SEMA3E: variants seen among roughly 807,000 people sequenced by gnomAD.
The protein encoded by SEMA3E is semaphorin-3E.
Under a neutral mutation model 93.6 loss-of-function variants are expected in SEMA3E, and 49 were observed. The observed-to-expected ratio is 0.52, with a 90% CI of 0.42 to 0.66. The LOEUF (loss-of-function observed/expected upper bound fraction) is 0.66. SEMA3E is among the 30% of genes least tolerant of loss of function. The pLI is 0.00. For synonymous variants in SEMA3E, 363 were observed against 330.7 expected (o/e 1.10, Z -1.06); for missense variants, 906 against 964.8 (o/e 0.94, Z 0.81).
rs1217562564 is a variant in SEMA3E at position 83,365,255 on chromosome 7, C to T, written c.*2331G>A. 3.3e-5 allele frequency: 5 copies of T among 152,032 alleles called. No homozygotes were observed. The highest frequency in any genetic ancestry group is 5.9e-5 in the Non-Finnish European group (4 of 68,000). 9.4% of individuals were successfully genotyped at this position (152,032 alleles called of 1,614,324 possible). On this transcript the variant is annotated 3_prime_UTR_variant, in exon 17 of 17. Transcript: ENST00000643230. Reference sequence around the variant, plus strand: ...TCCCTTCGTCTTTCTCTCTCCCTCCCTCTTCTTTCCCATTTCTCTTCAGTA... The same window carrying T: ...TCCCTTCGTCTTTCTCTCTCCCTCCTTCTTCTTTCCCATTTCTCTTCAGTA...
chr7:83,487,547 CAGAG>C (rs541417942), intron 2 of SEMA3E, among the ~76,000 whole-genome samples: 27 of 148,754 alleles, frequency 1.8e-4, no homozygotes, highest in African/African-American at 6.4e-4. Flanking sequence ...TAGATGGTAT[CAGAG>C]AGAGAGAGAG....
rs761721998 is a variant in SEMA3E at position 83,405,938 on chromosome 7, C to T, written c.928+7G>A. 9 of 1,593,010 alleles carry T rather than the reference C, an allele frequency of 5.6e-6. No individual in the cohort carries two copies. The South Asian group carries it at 9.9e-5, about 18-fold the overall frequency. On this transcript the variant is annotated splice_region_variant and intron_variant, in intron 8 of 16. Transcript: ENST00000643230. Reference sequence around the variant, plus strand: ...AGAGCAAATTTAATTCACCTAAAAACATTTACCTAATTCATCAAAATATGT... The same window carrying T: ...AGAGCAAATTTAATTCACCTAAAAATATTTACCTAATTCATCAAAATATGT...
chr7:83,505,266 T>C (rs1026689031), intron 1 of SEMA3E, among the ~76,000 whole-genome samples: 1 of 152,096 alleles, frequency 6.6e-6, no homozygotes, highest in African/African-American at 2.4e-5. Flanking sequence ...GCAGCTTATG[T>C]TACAAACCCA....
rs754754690 is a variant in SEMA3E at position 83,402,694 on chromosome 7, C to T, written c.1081G>A (p.Glu361Lys). 49 of 1,612,924 alleles carry T rather than the reference C, an allele frequency of 3.0e-5. No individual in the cohort carries two copies. The highest frequency in any genetic ancestry group is 4.0e-5 in the Non-Finnish European group (47 of 1,179,272). Reference protein sequence around the residue: ...AAFNGPYAHKEGPEYHWSVYE... With the variant: ...AAFNGPYAHKKGPEYHWSVYE... ...ACTGACCAGTGGTATTCAGGTCCTT[C>T]CTTATGTGCATATGGTCCGTTGAAG... The change falls in exon 10 of 17, where the codon GAA (glutamate) becomes AAA (lysine). Residue 361 changes from glutamate (E) to lysine (K), a missense_variant. By Grantham distance (56) the Glu-to-Lys change is moderately conservative. Transcript: ENST00000643230.
At chr7:83,554,977 A>AAAATAAAT (rs750652810) in intron 1 of SEMA3E, among the ~76,000 whole-genome samples, 5 of 144,398 alleles carry the variant, frequency 3.5e-5, no homozygotes, top group Non-Finnish European at 5.9e-5. Flanking sequence ...ACTCCGTCTC[A>AAAATAAAT]AAATAAATAA....
At chr7:83,534,061 A>C (rs944487909) in intron 1 of SEMA3E, among the ~76,000 whole-genome samples, 2 of 152,242 alleles carry the variant, frequency 1.3e-5, no homozygotes, top group African/African-American at 4.8e-5. Flanking sequence ...AATTCTATTT[A>C]ATTTGGAGCA....
chr7:83,400,115 T>A lies in SEMA3E; in HGVS notation c.1279A>T (p.Thr427Ser). 6.2e-7 allele frequency: 1 copy of A among 1,614,026 alleles called. No individual in the cohort carries two copies. Among genetic ancestry groups the A allele is most frequent in the Non-Finnish European group, 8.5e-7 (1 of 1,179,962 alleles). The change falls in exon 11 of 17, where the codon ACA (threonine) becomes TCA (serine). Residue 427 changes from threonine (T) to serine (S), a missense_variant. Transcript: ENST00000643230. ...TGTTTCAGGTTATATTTTCCATCTGTTTTTACCAATATTGGTTTTTTATGG... is the reference window on the plus strand; with the variant it reads ...TGTTTCAGGTTATATTTTCCATCTGATTTTACCAATATTGGTTTTTTATGG... Reference protein sequence around the residue: ...PAHKKPILVKTDGKYNLKQIA... With the variant: ...PAHKKPILVKSDGKYNLKQIA...
chr7:83,546,725 T>C (rs2115785879), intron 1 of SEMA3E, among the ~76,000 whole-genome samples: 1 of 152,196 alleles, frequency 6.6e-6, no homozygotes, highest in East Asian at 1.9e-4. Flanking sequence ...ATTGTATCAC[T>C]ATGTCTCATA....
intron 1 of SEMA3E, among the ~76,000 whole-genome samples, chr7:83,568,446 C>T (rs1269659295): frequency 6.6e-6 from 1 of 152,056 alleles, no homozygotes; most frequent in Non-Finnish European, 1.5e-5. Context: ...GGCCAATATT[C>T]CTGATGAACG....
chr7:83,514,386 G>A (rs1427123447), intron 1 of SEMA3E, among the ~76,000 whole-genome samples: 2 of 151,988 alleles, frequency 1.3e-5, no homozygotes, highest in African/African-American at 2.4e-5. Flanking sequence ...AAGGGGTCCC[G>A]ATACAGTCCT....
At position 83,507,918 on chromosome 7, in the gene SEMA3E, C is replaced by G. The variant is rs545009149; in HGVS notation, c.116-17644G>C. On this transcript the variant is annotated intron_variant, in intron 1 of 16. Coordinates refer to ENST00000643230, the MANE Select transcript of SEMA3E (RefSeq NM_012431.3). ...GTGAGCATGGCCACACCACTGCACT[C>G]CAGCCTGGGTGACAAAGCAAAACCC... Among the ~76,000 whole-genome samples the G allele has an allele frequency of 3.9e-5, 6 of 152,120 alleles. No individual in the cohort carries two copies. In the South Asian group the frequency reaches 1.2e-3, roughly 32 times the overall value.
intron 1 of SEMA3E, among the ~76,000 whole-genome samples, chr7:83,500,683 C>T (rs1790581811): frequency 6.7e-6 from 1 of 150,288 alleles, no homozygotes; most frequent in South Asian, 2.1e-4. Flanking sequence ...ACCTCCGCCT[C>T]CCAGGTTCAA....
intron 1 of SEMA3E, among the ~76,000 whole-genome samples, chr7:83,566,950 C>T (rs538075178): frequency 6.6e-6 from 1 of 152,128 alleles, no homozygotes; most frequent in South Asian, 2.1e-4. Flanking sequence ...TTAATGTAAA[C>T]ATACAAGTTT....
At chr7:83,392,516 C>T (rs762991858) in intron 14 of SEMA3E, 39 bp downstream of exon 14, 1 of 1,591,668 alleles carries the variant, frequency 6.3e-7, no homozygotes, top group South Asian at 1.1e-5. Context: ...TAGGGTTTTC[C>T]TAAGCAAGGG....
chr7:83,433,217 T>A (rs961212260), intron 4 of SEMA3E, among the ~76,000 whole-genome samples: 1 of 152,120 alleles, frequency 6.6e-6, no homozygotes, highest in Non-Finnish European at 1.5e-5. Flanking sequence ...GTAAGTGATT[T>A]AAAAAAATGA....
intron 2 of SEMA3E, among the ~76,000 whole-genome samples, chr7:83,488,023 C>G (rs1037282777): frequency 2.0e-5 from 3 of 151,862 alleles, no homozygotes; most frequent in African/African-American, 7.3e-5. Flanking sequence ...AAGCGGAAAT[C>G]TAACTGCTTG....
chr7:83,594,507 T>C (rs898013916), intron 1 of SEMA3E, among the ~76,000 whole-genome samples: 1 of 152,140 alleles, frequency 6.6e-6, no homozygotes, highest in Non-Finnish European at 1.5e-5. Context: ...CTCCCCCAGA[T>C]TGCCAAAATA....
intron 4 of SEMA3E, among the ~76,000 whole-genome samples, chr7:83,459,444 T>A (rs1789563033): frequency 1.3e-5 from 2 of 152,348 alleles, no homozygotes; most frequent in Admixed American, 6.5e-5. Context: ...GTAAATATTC[T>A]GACTGTGTAT....
At chr7:83,599,491 C>G (rs892163543) in intron 1 of SEMA3E, among the ~76,000 whole-genome samples, 5 of 152,070 alleles carry the variant, frequency 3.3e-5, no homozygotes, top group Admixed American at 3.3e-4. Context: ...TGACTTGTAG[C>G]CATTAAATAC....
Sources: allele counts gnomAD v4.1 joint callset (sites outside exome capture counted in the v4.1 genomes callset), GRCh38; gene constraint gnomAD v4.1.1; transcripts MANE v1.5; gene names NCBI Gene and HGNC (gene_info 2026-07-23, HGNC 2026-07-21).